The following ZFY variants were observed in gnomAD, a reference collection of about 807,000 sequenced individuals.
ZFY encodes zinc finger protein Y-linked.
For synonymous variants in ZFY, 47 were observed against 55.8 expected (o/e 0.84, Z 0.71); for missense variants, 113 against 170.9 (o/e 0.66, Z 1.89).
At chrY:2,970,259 A>G (rs2051344155) in intron 3 of ZFY, among the ~76,000 whole-genome samples, 1 of 33,053 alleles carries the variant, frequency 3.0e-5, no homozygotes, top group Admixed American at 2.8e-4. Flanking sequence ...GCTAGAGACT[A>G]GGGCTGGAGG....
At position 2,935,390 on chromosome Y, in the gene ZFY, G is replaced by A. The variant is rs2051210675; in HGVS notation, c.-408G>A. ...AGCCGGAGCCCGGCCCAGTGCTCCA[G>A]AGAAAGGCCGTCCTGCAGCACCCGC... On this transcript the variant is annotated 5_prime_UTR_variant, in exon 1 of 8. Coordinates refer to ENST00000155093, the MANE Select transcript of ZFY (RefSeq NM_003411.4). 2.9e-5 allele frequency: 1 copy of A among 34,045 alleles called. No homozygotes were observed. The highest frequency in any genetic ancestry group is 1.1e-4 in the African/African-American group (1 of 8,856). 8.5% of individuals were successfully genotyped at this position (34,045 alleles called of 400,897 possible).
At chrY:2,939,019 AT>A (rs2051231466) in intron 1 of ZFY, among the ~76,000 whole-genome samples, 6 of 19,649 alleles carry the variant, frequency 3.1e-4, no homozygotes, top group African/African-American at 7.4e-4. Flanking sequence ...ATATATATAT[AT>A]ATAAATAAAT....
Position 2,976,804 on chromosome Y carries a change from G to A in ZFY, c.1063G>A (p.Ala355Thr). 2.5e-6 allele frequency: 1 copy of A among 396,739 alleles called. No individual in the cohort carries two copies. Among genetic ancestry groups the A allele is most frequent in the Non-Finnish European group, 3.5e-6 (1 of 282,509 alleles). ...EDEMKTFVPIAWAAAYGNNSD... is the reference protein window; with the variant it reads ...EDEMKTFVPITWAAAYGNNSD... ...TGAAATGAAAACCTTCGTACCAATT[G>A]CATGGGCAGCAGCTTATGGTAACTT... Residue 355 changes from alanine (A) to threonine (T), a missense_variant, in exon 6 of 8, where the codon GCA (alanine) becomes ACA (threonine). By Grantham distance (58) the Ala-to-Thr change is moderately conservative. Transcript: ENST00000155093.
At chrY:2,941,934 C>CTGTGTGTGTG (rs376986249) in intron 1 of ZFY, among the ~76,000 whole-genome samples, 13 of 27,435 alleles carry the variant, frequency 4.7e-4, no homozygotes, top group African/African-American at 1.8e-3. Context: ...CCAATATAAA[C>CTGTGTGTGTG]TGTGTGTGTG....
At chrY:2,951,981 C>T (rs2051280371) in intron 1 of ZFY, among the ~76,000 whole-genome samples, 1 of 28,769 alleles carries the variant, frequency 3.5e-5, no homozygotes, top group Non-Finnish European at 8.3e-5. Context: ...TGCAGTGGCA[C>T]GATCTCGGCC....
At chrY:2,973,769 G>C in intron 3 of ZFY, among the ~76,000 whole-genome samples, 1 of 32,979 alleles carries the variant, frequency 3.0e-5, no homozygotes, top group African/African-American at 1.2e-4. Flanking sequence ...ATTATATGGG[G>C]GTTGTATTTT....
chrY:2,961,770 A>G (rs987644727), intron 3 of ZFY, 124 bp downstream of exon 3: 2 of 186,811 alleles, frequency 1.1e-5, no homozygotes, highest in Non-Finnish European at 1.8e-5. Flanking sequence ...ATAAACCTAC[A>G]TGCATTGTTG....
intron 3 of ZFY, among the ~76,000 whole-genome samples, chrY:2,964,106 T>G: frequency 3.0e-5 from 1 of 33,402 alleles, no homozygotes; most frequent in Non-Finnish European, 7.4e-5. Flanking sequence ...CTAATGATTT[T>G]TATGTAGGAA....
At chrY:2,952,415 G>A in intron 1 of ZFY, among the ~76,000 whole-genome samples, 5 of 33,609 alleles carry the variant, frequency 1.5e-4, no homozygotes, top group African/African-American at 4.7e-4. Flanking sequence ...TTTAAGAGGG[G>A]AAAAATTAAT....
At chrY:2,939,015 ATAT>A (rs1205093484) in intron 1 of ZFY, among the ~76,000 whole-genome samples, 4 of 20,030 alleles carry the variant, frequency 2.0e-4, no homozygotes, top group Non-Finnish European at 3.5e-4. Context: ...ATATATATAT[ATAT>A]ATATAAATAA....
At chrY:2,970,203 G>A (rs746933697) in intron 3 of ZFY, among the ~76,000 whole-genome samples, 1 of 33,093 alleles carries the variant, frequency 3.0e-5, no homozygotes, top group East Asian at 7.8e-4. Context: ...GCAGATTTTG[G>A]TTGCTAGACT....
intron 1 of ZFY, among the ~76,000 whole-genome samples, chrY:2,939,474 A>G (rs904675813): frequency 2.1e-4 from 7 of 33,568 alleles, no homozygotes; most frequent in Admixed American, 1.4e-3. Flanking sequence ...GTGTCACATG[A>G]AAGTGTACTG....
At chrY:2,941,205 G>A in intron 1 of ZFY, among the ~76,000 whole-genome samples, 1 of 33,456 alleles carries the variant, frequency 3.0e-5, no homozygotes, top group Non-Finnish European at 7.4e-5. Flanking sequence ...AGGTGAAAAC[G>A]TTTGGGAAAT....
chrY:2,970,405 T>C, intron 3 of ZFY, among the ~76,000 whole-genome samples: 1 of 33,519 alleles, frequency 3.0e-5, no homozygotes, highest in Non-Finnish European at 7.4e-5. Context: ...GTTTCTGAGG[T>C]TGGTGGTAAA....
At chrY:2,973,096 C>G in intron 3 of ZFY, among the ~76,000 whole-genome samples, 1 of 25,405 alleles carries the variant, frequency 3.9e-5, no homozygotes, top group Non-Finnish European at 9.0e-5. Context: ...CAGCCTTTCT[C>G]TGTTGCCCAT....
At chrY:2,957,422 C>T in intron 2 of ZFY, among the ~76,000 whole-genome samples, 2 of 33,051 alleles carry the variant, frequency 6.1e-5, no homozygotes, top group Non-Finnish European at 1.5e-4. Flanking sequence ...CCTCAGCCTC[C>T]CAAAGTGTTG....
chrY:2,955,884 T>C, intron 2 of ZFY, among the ~76,000 whole-genome samples: 3 of 33,652 alleles, frequency 8.9e-5, no homozygotes, highest in Non-Finnish European at 1.5e-4. Context: ...TATGTGTAAG[T>C]CACACTTTTA....
chrY:2,955,327 T>C, intron 2 of ZFY, among the ~76,000 whole-genome samples: 1 of 33,341 alleles, frequency 3.0e-5, no homozygotes, highest in Non-Finnish European at 7.4e-5. Context: ...TCAGAAGTCC[T>C]AAGTATCATT....
At position 2,981,489 on chromosome Y, in the gene ZFY, G is replaced by C. The variant is rs2051399317; in HGVS notation, c.*1496G>C. ...TGGAGAATGGAAAATACATTTTTAG[G>C]TTCCTTAATTTGGCTGTTGGTACCT... On this transcript the variant is annotated 3_prime_UTR_variant, in exon 8 of 8. Transcript: ENST00000155093. 1 of 32,828 alleles carries C rather than the reference G, an allele frequency of 3.0e-5. No individual in the cohort carries two copies. Among genetic ancestry groups the C allele is most frequent in the Admixed American group, 2.8e-4 (1 of 3,565 alleles). 8.2% of individuals were successfully genotyped at this position (32,828 alleles called of 400,897 possible).
Sources: gnomAD v4.1 joint callset for allele counts (sites outside exome capture counted in the v4.1 genomes callset) on GRCh38, gnomAD v4.1.1 for gene constraint, MANE v1.5 for transcripts, NCBI Gene and HGNC (gene_info 2026-07-23, HGNC 2026-07-21) for gene names.